Variants in NRG2 observed in about 807,000 individuals in gnomAD.
The protein encoded by NRG2 is neuregulin 2.
A neutral mutation model predicts 73.9 loss-of-function variants in NRG2; 27 were observed. The ratio of observed to expected loss-of-function variants is 0.37; its 90% CI spans 0.27 to 0.50. The LOEUF (loss-of-function observed/expected upper bound fraction) is 0.50. NRG2 is among the 20% of genes least tolerant of loss of function. The probability of loss-of-function intolerance (pLI) is 0.96; values close to 1 mark genes in which losing one functional copy is unlikely to be tolerated. For missense variants in NRG2, 1,126 were observed against 1,210.1 expected (o/e 0.93, Z 1.03); for synonymous variants, 532 against 541.0 (o/e 0.98, Z 0.23).
intron 1 of NRG2, among the ~76,000 whole-genome samples, chr5:139,973,743 A>G (rs950207239): frequency 6.6e-6 from 1 of 152,248 alleles, no homozygotes; most frequent in African/African-American, 2.4e-5. Context: ...CAAAAGTTCA[A>G]GATAAAGATT....
intron 1 of NRG2, among the ~76,000 whole-genome samples, chr5:139,944,082 C>CA (rs920433968): frequency 6.7e-6 from 1 of 149,408 alleles, no homozygotes; most frequent in South Asian, 2.1e-4. Context: ...AATATGTGGG[C>CA]AAAAAAAATT....
intron 1 of NRG2, among the ~76,000 whole-genome samples, chr5:139,989,933 T>C (rs954938665): frequency 2.0e-4 from 30 of 150,902 alleles, no homozygotes; most frequent in Non-Finnish European, 3.1e-4. Context: ...GGACTACAGG[T>C]GCCCACCACC....
rs1174979601 is a variant in NRG2, at chr5:139,894,526, G to C, written c.701-7015C>G. 6.6e-6 allele frequency among the ~76,000 whole-genome samples: 1 copy of C among 151,820 alleles called. No homozygotes were observed. The highest frequency in any genetic ancestry group is 2.4e-5 in the African/African-American group (1 of 41,348). ...AGGCACAGACGGCCTAGGCAGCCAGGCATCCTACCCATGGCCTGCAGAAGA... is the reference window on the plus strand; with the variant it reads ...AGGCACAGACGGCCTAGGCAGCCAGCCATCCTACCCATGGCCTGCAGAAGA... On this transcript the variant is annotated intron_variant, in intron 1 of 9. Coordinates refer to ENST00000361474, the MANE Select transcript of NRG2 (RefSeq NM_004883.3). The surrounding 1 kb of genome is among the most constrained non-coding windows in gnomAD (Gnocchi z 5.0).
At chr5:139,968,522 G>C (rs559567437) in intron 1 of NRG2, among the ~76,000 whole-genome samples, 91 of 152,312 alleles carry the variant, frequency 6.0e-4, no homozygotes, top group African/African-American at 2.1e-3. Flanking sequence ...TCGCCAAAGG[G>C]GATGGGTCAG....
At chr5:139,929,446 G>T (rs1752298293) in intron 1 of NRG2, among the ~76,000 whole-genome samples, 1 of 152,128 alleles carries the variant, frequency 6.6e-6, no homozygotes, top group African/African-American at 2.4e-5. Context: ...ATTCCTTATT[G>T]TACTCTCAGC....
In NRG2 at chr5:139,868,983, C is replaced by T. The variant is rs1762671680; in HGVS notation, c.1112+2738G>A. Among the ~76,000 whole-genome samples, 1 of 152,004 alleles carries T rather than the reference C, an allele frequency of 6.6e-6. No homozygotes were observed. The highest frequency in any genetic ancestry group is 1.5e-5 in the Non-Finnish European group (1 of 67,988). ...CCCCTGAACCAGTCCCCAAGAGTCA[C>T]GCACCAACCGTGCTCTACAAACACA... is the stretch of plus-strand genomic sequence containing the variant. On this transcript the variant is annotated intron_variant, in intron 4 of 9. Transcript: ENST00000361474. The surrounding 1 kb of genome is among the most constrained non-coding windows in gnomAD (Gnocchi z 4.2).
rs750674868 is a variant in NRG2, at chr5:139,887,290, G to T, written c.872+50C>A. ...CCCAGTTCAGGCCACTCCTTCTCGAGAGGAGGGAGGGCAGCTGCTTGGATG... is the reference window on the plus strand; with the variant it reads ...CCCAGTTCAGGCCACTCCTTCTCGATAGGAGGGAGGGCAGCTGCTTGGATG... On this transcript the variant is annotated intron_variant, in intron 2 of 9. Transcript: ENST00000361474. This position sits in a 1 kb window ranked among gnomAD's most constrained non-coding sequence, Gnocchi z 4.5. 3 of 1,599,972 alleles carry T rather than the reference G, an allele frequency of 1.9e-6. No homozygotes were observed. The East Asian group carries it at 6.7e-5, about 36-fold the overall frequency.
At chr5:139,886,844 C>T (rs1435841697) in intron 2 of NRG2, among the ~76,000 whole-genome samples, 1 of 152,194 alleles carries the variant, frequency 6.6e-6, no homozygotes, top group Non-Finnish European at 1.5e-5. Context: ...ACAGAGTTCT[C>T]CAACACCAAT....
At chr5:139,873,524 G>C (rs899068651) in intron 3 of NRG2, among the ~76,000 whole-genome samples, 12 of 152,250 alleles carry the variant, frequency 7.9e-5, no homozygotes, top group African/African-American at 2.9e-4. Context: ...AGAGTGCAGT[G>C]TGTGTTGCAA....
rs758362696 is a variant in NRG2, at chr5:139,851,828, G to T, written c.1548C>A (p.His516Gln). 2.5e-6 allele frequency: 4 copies of T among 1,614,016 alleles called. No homozygotes were observed. Among genetic ancestry groups the T allele is most frequent in the East Asian group, 2.2e-5 (1 of 44,864 alleles). The part of the protein sequence containing the change: ...STATPTSSHR[H>Q]ESHTWSLERS... ...GTTCCAGGCTCCACGTGTGGCTCTC[G>T]TGTCTGGGAAGGCCAGATGGGGTGA... Residue 516 changes from histidine (H) to glutamine (Q), a missense_variant, in exon 9 of 10, where the codon CAC becomes CAA. By Grantham distance (24) the His-to-Gln change is conservative (BLOSUM62 0). This residue lies in a region of NRG2 where 539 missense variants were observed against 703.2 expected (regional missense o/e 0.77). Transcript: ENST00000361474. The surrounding 1 kb of genome is among the most constrained non-coding windows in gnomAD (Gnocchi z 4.2).
intron 4 of NRG2, among the ~76,000 whole-genome samples, chr5:139,867,363 T>C (rs1172184955): frequency 6.6e-6 from 1 of 151,496 alleles, no homozygotes; most frequent in Non-Finnish European, 1.5e-5. Flanking sequence ...GGCTGGGAAG[T>C]GTATCAGGGA....
chr5:140,020,170 C>T (rs1468720374), intron 1 of NRG2, among the ~76,000 whole-genome samples: 1 of 152,176 alleles, frequency 6.6e-6, no homozygotes, highest in South Asian at 2.1e-4. Flanking sequence ...GTGGAAAGTC[C>T]ACACCCAGAG....
intron 1 of NRG2, among the ~76,000 whole-genome samples, chr5:139,916,958 G>T (rs1163913168): frequency 1.3e-5 from 2 of 152,136 alleles, no homozygotes; most frequent in South Asian, 2.1e-4. Flanking sequence ...CAGTCATATT[G>T]TAACTCTACG....
Position 139,990,290 on chromosome 5 carries a change from ATTTTATTT to A in NRG2, c.700+52072_700+52079del, listed in dbSNP as rs564873668. On this transcript the variant is annotated intron_variant, in intron 1 of 9. Transcript: ENST00000361474. Reference sequence around the variant, plus strand: ...CACTAGCAATATTTTATTTTATTTTATTTTATTTTATTTTATTTTATTTTATTTTGAGA... The same window carrying A: ...CACTAGCAATATTTTATTTTATTTTATATTTTATTTTATTTTATTTTGAGA... Among the ~76,000 whole-genome samples, 1,037 of 150,630 alleles carry A rather than the reference ATTTTATTT, an allele frequency of 6.9e-3. 8 individuals are homozygous for A. Among genetic ancestry groups the A allele is most frequent in the African/African-American group, 0.024 (984 of 40,916 alleles).
At chr5:139,933,465 C>T (rs957347511) in intron 1 of NRG2, among the ~76,000 whole-genome samples, 1 of 151,998 alleles carries the variant, frequency 6.6e-6, no homozygotes, top group Non-Finnish European at 1.5e-5. Context: ...TAATACAAGA[C>T]AAAATAGGCT....
Position 139,904,313 on chromosome 5 carries a change from C to T in NRG2, c.701-16802G>A. ...GCGCGCGGAGGTGCCCTACCTTTCT[C>T]CCCGGGATCGGGCTCCCTCTCCCGC... On this transcript the variant is annotated intron_variant, in intron 1 of 9. Coordinates refer to ENST00000361474, the MANE Select transcript of NRG2 (RefSeq NM_004883.3). This position sits in a 1 kb window ranked among gnomAD's most constrained non-coding sequence, Gnocchi z 6.0. The T allele has an allele frequency of 6.3e-7, 1 of 1,591,442 alleles. No homozygotes were observed. Among genetic ancestry groups the T allele is most frequent in the Non-Finnish European group, 8.5e-7 (1 of 1,177,096 alleles).
rs145581512 is a variant in NRG2 at position 140,041,160 on chromosome 5, C to A, written c.700+1210G>T. ...ACTCAAACAAAGCCTGTCTACACTACCCAGAATCAGTTGGTAAAACTGGTA... is the reference window on the plus strand; with the variant it reads ...ACTCAAACAAAGCCTGTCTACACTAACCAGAATCAGTTGGTAAAACTGGTA... On this transcript the variant is annotated intron_variant, in intron 1 of 9. Coordinates refer to ENST00000361474, the MANE Select transcript of NRG2 (RefSeq NM_004883.3). Among the ~76,000 whole-genome samples, 1,174 of 152,268 alleles carry A rather than the reference C, an allele frequency of 7.7e-3. 15 individuals are homozygous for A. Among genetic ancestry groups the A allele is most frequent in the African/African-American group, 0.027 (1,101 of 41,530 alleles).
chr5:139,906,949 GC>G, intron 1 of NRG2, among the ~76,000 whole-genome samples: 1 of 152,260 alleles, frequency 6.6e-6, no homozygotes, highest in Non-Finnish European at 1.5e-5. Context: ...GCAAGAAGGA[GC>G]TTTTTTACCT....
intron 1 of NRG2, among the ~76,000 whole-genome samples, chr5:139,909,826 T>G (rs1397747953): frequency 6.6e-6 from 1 of 152,102 alleles, no homozygotes; most frequent in Non-Finnish European, 1.5e-5. Flanking sequence ...TCCTGAGGAG[T>G]GCATGGGGGC....
Sources: gnomAD v4.1 joint callset for allele counts (sites outside exome capture counted in the v4.1 genomes callset) on GRCh38, gnomAD v4.1.1 for gene constraint, gnomAD v4.1.1 regional missense constraint, Gnocchi (gnomAD v3.1) non-coding constraint, MANE v1.5 for transcripts, NCBI Gene and HGNC (gene_info 2026-07-23, HGNC 2026-07-21) for gene names.